The following RCBTB1 variants were observed in gnomAD, a reference collection of about 807,000 sequenced individuals.
RCBTB1 encodes RCC1 and BTB domain-containing protein 1.
Under a neutral mutation model 62.4 loss-of-function variants are expected in RCBTB1, and 46 were observed. The ratio of observed to expected loss-of-function variants is 0.74; its 90% confidence interval spans 0.58 to 0.94. The LOEUF (loss-of-function observed/expected upper bound fraction) is 0.94, where lower values mean the gene tolerates loss of function less well. Among genes scored for constraint, RCBTB1 ranks in the 40% least tolerant of loss-of-function variants. The pLI is 0.00. For synonymous variants in RCBTB1, 222 were observed against 245.8 expected (o/e 0.90, Z 0.91); for missense variants, 565 against 654.9 (o/e 0.86, Z 1.50).
chr13:49,574,569 G>A (rs1306428303), intron 2 of RCBTB1, among the ~76,000 whole-genome samples: 10 of 152,050 alleles, frequency 6.6e-5, no homozygotes, highest in Non-Finnish European at 1.3e-4. Flanking sequence ...ATAACGTAGA[G>A]TGGCAGAATG....
rs34222928 is a variant in RCBTB1, at chr13:49,532,414, GA to G, written c.*1707del. The stretch of plus-strand genomic sequence containing the variant: ...AAGTAAGAGCAATAGTAAACATACT[GA>G]AGTTCACATTTTGCTCAGATCATAA... On this transcript the variant is annotated 3_prime_UTR_variant, in exon 13 of 13. Coordinates refer to ENST00000378302, the MANE Select transcript of RCBTB1 (RefSeq NM_018191.4). The G allele has an allele frequency of 0.48, 72,516 of 152,334 alleles. 17,684 individuals are homozygous for G. The highest frequency in any genetic ancestry group is 0.59 in the Middle Eastern group (174 of 294). 9.4% of individuals were successfully genotyped at this position (152,334 alleles called of 1,614,324 possible).
rs1391456773 is a variant in RCBTB1, at chr13:49,559,915, T to C, written c.444+3A>G. 1.9e-6 allele frequency: 3 copies of C among 1,609,944 alleles called. No homozygotes were observed. Among genetic ancestry groups the C allele is most frequent in the African/African-American group, 2.7e-5 (2 of 74,568 alleles). On this transcript the variant is annotated splice_donor_region_variant and intron_variant, in intron 5 of 12. Transcript: ENST00000378302. ...GAATAAAGAATAAAAGCAGCATACT[T>C]ACCTCTCCATCAGCTGCCAGAGCCA... is the stretch of plus-strand genomic sequence containing the variant.
chr13:49,568,921 C>CT (rs1385040439), intron 2 of RCBTB1, among the ~76,000 whole-genome samples: 2 of 152,100 alleles, frequency 1.3e-5, no homozygotes, highest in African/African-American at 4.8e-5. Context: ...GAGCGAGACT[C>CT]TGTCTCGAAA....
intron 10 of RCBTB1, 123 bp from the exon 11 acceptor site, chr13:49,541,950 TC>T: frequency 9.1e-7 from 1 of 1,101,510 alleles, no homozygotes; most frequent in African/African-American, 1.6e-5. Context: ...GCGTGGTGGC[TC>T]ATGCCTGTAA....
intron 2 of RCBTB1, among the ~76,000 whole-genome samples, chr13:49,572,127 G>C (rs1476891952): frequency 6.6e-6 from 1 of 152,074 alleles, no homozygotes; most frequent in East Asian, 1.9e-4. Context: ...AGAAGTTTGA[G>C]ACCAGCCTAG....
intron 12 of RCBTB1, among the ~76,000 whole-genome samples, chr13:49,535,062 C>A (rs1347786872): frequency 6.6e-6 from 1 of 152,136 alleles, no homozygotes; most frequent in Non-Finnish European, 1.5e-5. Context: ...ACCTTAAATT[C>A]ACTTTTATGC....
chr13:49,544,655 A>AT (rs1462552342), intron 10 of RCBTB1, 82 bp downstream of exon 10: 35 of 1,178,082 alleles, frequency 3.0e-5, no homozygotes, highest in Non-Finnish European at 3.6e-5. Context: ...TACCAAGGCT[A>AT]TTTTTTATCA....
chr13:49,539,014 T>C (rs950828315), intron 12 of RCBTB1, among the ~76,000 whole-genome samples: 2 of 151,732 alleles, frequency 1.3e-5, no homozygotes, highest in African/African-American at 4.8e-5. Context: ...GGATTACAGG[T>C]ACGCACCACC....
intron 9 of RCBTB1, among the ~76,000 whole-genome samples, chr13:49,547,330 C>T (rs1960882020): frequency 6.6e-6 from 1 of 152,200 alleles, no homozygotes; most frequent in Admixed American, 6.5e-5. Context: ...ACAACTCCAC[C>T]TGTCTGACAC....
intron 2 of RCBTB1, among the ~76,000 whole-genome samples, chr13:49,579,399 G>A (rs1248095061): frequency 6.6e-6 from 1 of 152,054 alleles, no homozygotes; most frequent in African/African-American, 2.4e-5. Flanking sequence ...CGAGGCAGGC[G>A]GATCACGAGG....
intron 12 of RCBTB1, chr13:49,539,327 A>G (rs1566213074): frequency 6.6e-6 from 1 of 152,210 alleles, no homozygotes; most frequent in African/African-American, 2.4e-5. Context: ...AGTTTTTATC[A>G]TGTTTATACT....
rs756269937 is a variant in RCBTB1 at position 49,541,729 on chromosome 13, A to G, written c.1271T>C (p.Phe424Ser). 6.2e-7 allele frequency: 1 copy of G among 1,614,096 alleles called. No individual in the cohort carries two copies. Among genetic ancestry groups the G allele is most frequent in the South Asian group, 1.1e-5 (1 of 91,056 alleles). Residue 424 changes from phenylalanine (F) to serine (S), a missense_variant, in exon 11 of 13, where the codon TTT becomes TCT. Transcript: ENST00000378302. Reference protein sequence around the residue: ...DQFSYPVYRAFLQYLYTDTVD... With the variant: ...DQFSYPVYRASLQYLYTDTVD... ...TGTGTCTGTGTAGAGGTACTGGAGA[A>G]AGGCACGATACACTGGGTAAGAAAA...
chr13:49,552,133 G>A, intron 7 of RCBTB1, 45 bp downstream of exon 7: 1 of 1,235,304 alleles, frequency 8.1e-7, no homozygotes, highest in Non-Finnish European at 1.2e-6. Flanking sequence ...GTTAGAGCAA[G>A]GAAGGTAGAT....
intron 6 of RCBTB1, among the ~76,000 whole-genome samples, chr13:49,553,305 C>T (rs919174858): frequency 2.0e-5 from 3 of 152,088 alleles, no homozygotes; most frequent in African/African-American, 7.2e-5. Flanking sequence ...ATGCTGGCCA[C>T]AGTATGAAAG....
chr13:49,548,661 T>C (rs897433222), intron 9 of RCBTB1, among the ~76,000 whole-genome samples: 3 of 151,874 alleles, frequency 2.0e-5, no homozygotes, highest in African/African-American at 7.3e-5. Context: ...ATTACGTCAA[T>C]GGGCCTCAAA....
intron 8 of RCBTB1, 40 bp downstream of exon 8, chr13:49,551,286 A>G: frequency 5.0e-6 from 8 of 1,608,008 alleles, no homozygotes; most frequent in Non-Finnish European, 6.8e-6. Context: ...CCAAGGCCAC[A>G]TCGCACACAC....
At position 49,541,010 on chromosome 13, in the gene RCBTB1, A is replaced by T. The variant is rs200891767; in HGVS notation, c.1325-4T>A. On this transcript the variant is annotated splice_polypyrimidine_tract_variant and splice_region_variant and intron_variant, in intron 11 of 12. Coordinates refer to ENST00000378302, the MANE Select transcript of RCBTB1 (RefSeq NM_018191.4). ...GATGTCGCCAAATCCAGAAGACCTA[A>T]AAGTAAAATATGTGAAAGGTTTAAT... 4.4e-6 allele frequency: 7 copies of T among 1,608,832 alleles called. No individual in the cohort carries two copies. In the Admixed American group the frequency reaches 6.7e-5, roughly 15 times the overall value.
chr13:49,549,484 G>C lies in RCBTB1; in HGVS notation c.1019C>G (p.Ala340Gly), dbSNP rs772129159. The change falls in exon 9 of 13, where the codon GCC becomes GGC. Residue 340 changes from alanine to glycine, a missense_variant. Coordinates refer to ENST00000378302, the MANE Select transcript of RCBTB1 (RefSeq NM_018191.4). ...CACAGACAGGAGGCGCCACGAGACG[G>C]CGGGAGTGGCAAAGCAGGCAAACAC... ...DDVFACFATPAVSWRLLSVEH... is the reference protein window; with the variant it reads ...DDVFACFATPGVSWRLLSVEH... 72 of 1,612,688 alleles carry C rather than the reference G, an allele frequency of 4.5e-5. No individual in the cohort carries two copies. In the Middle Eastern group the frequency reaches 1.6e-3, roughly 37 times the overall value.
At chr13:49,574,132 G>C (rs982760965) in intron 2 of RCBTB1, among the ~76,000 whole-genome samples, 2 of 141,240 alleles carry the variant, frequency 1.4e-5, no homozygotes, top group African/African-American at 5.3e-5. Flanking sequence ...TTTGGGGGTG[G>C]GGGGTGGACA....
Sources: allele counts gnomAD v4.1 joint callset (sites outside exome capture counted in the v4.1 genomes callset), GRCh38; gene constraint gnomAD v4.1.1; transcripts MANE v1.5; gene names NCBI Gene and HGNC (gene_info 2026-07-23, HGNC 2026-07-21).